BSG: variants seen among roughly 807,000 people sequenced by gnomAD.
BSG encodes the protein basigin.
Under a neutral mutation model 43.1 loss-of-function variants are expected in BSG, and 37 were observed. The observed-to-expected ratio is 0.86, with a 90% confidence interval of 0.66 to 1.13. The LOEUF (loss-of-function observed/expected upper bound fraction) is 1.13, where lower values mean the gene tolerates loss of function less well. Among genes scored for constraint, BSG ranks in the 50% most tolerant of loss-of-function variants. The pLI is 0.00. For synonymous variants in BSG, 309 were observed against 238.7 expected (o/e 1.29, Z -2.72); for missense variants, 599 against 554.2 (o/e 1.08, Z -0.81).
In BSG at chr19:582,866, A is replaced by G. The variant is rs972382845; in HGVS notation, c.*122A>G. The G allele has an allele frequency of 4.0e-6, 2 of 497,896 alleles. No individual in the cohort carries two copies. The highest frequency in any genetic ancestry group is 3.8e-5 in the Admixed American group (1 of 26,292). 30.8% of individuals were successfully genotyped at this position (497,896 alleles called of 1,614,324 possible). ...AAAACCCACCCCGTAGATTCCCATCATACACTTCCTTCTTTTTTAAAAAAG... is the reference window on the plus strand; with the variant it reads ...AAAACCCACCCCGTAGATTCCCATCGTACACTTCCTTCTTTTTTAAAAAAG... On this transcript the variant is annotated 3_prime_UTR_variant, in exon 9 of 9. Transcript: ENST00000333511.
chr19:574,945 C>G (rs1032526944), intron 1 of BSG: 17 of 152,278 alleles, frequency 1.1e-4, no homozygotes, highest in African/African-American at 3.9e-4. Flanking sequence ...GTTTCAAGCA[C>G]AGCACGAGGT....
rs201403607 is a variant in BSG, at chr19:578,106, G to A, written c.400G>A (p.Val134Met). The change falls in exon 2 of 9, where the codon GTG (valine) becomes ATG (methionine). Residue 134 changes from valine (V) to methionine (M), a missense_variant. Transcript: ENST00000333511. The part of the protein sequence containing the change: ...RVKWVRAQAV[V>M]LVLEPGTVFT... The stretch of plus-strand genomic sequence containing the variant: ...CAAGTGGGTCCGCGCCCAGGCAGTC[G>A]TGCTAGTCCTGGAACGTGAGTGGCG... 1.4e-4 allele frequency: 222 copies of A among 1,581,300 alleles called. No individual in the cohort carries two copies. The African/African-American group carries it at 2.4e-3, about 17-fold the overall frequency.
At chr19:576,739 ACT>A (rs1254217420) in intron 1 of BSG, among the ~76,000 whole-genome samples, 3 of 134,564 alleles carry the variant, frequency 2.2e-5, no homozygotes, top group South Asian at 2.8e-4. Context: ...ACAGAGTGAG[ACT>A]CTGTCTCAAA....
At chr19:576,693 A>G (rs1266228867) in intron 1 of BSG, among the ~76,000 whole-genome samples, 2 of 151,676 alleles carry the variant, frequency 1.3e-5, no homozygotes, top group Non-Finnish European at 2.9e-5. Flanking sequence ...CCCGGGAGGC[A>G]GAGGTTGCGG....
upstream of BSG, chr19:571,772 T>C (rs1981258754): frequency 1.6e-6 from 1 of 621,848 alleles, no homozygotes; most frequent in East Asian, 2.8e-5. Context: ...CTTCTGTTCC[T>C]CTGTCCTTTC....
intron 1 of BSG, among the ~76,000 whole-genome samples, chr19:573,213 T>A (rs1278181175): frequency 1.3e-5 from 2 of 152,140 alleles, no homozygotes; most frequent in African/African-American, 4.8e-5. Flanking sequence ...GGTTGGTGCC[T>A]GCCCAACCCG....
rs28921979 is a variant in BSG at position 576,760 on chromosome 19, A to G, written c.68-1014A>G. On this transcript the variant is annotated intron_variant, in intron 1 of 8. Coordinates refer to ENST00000333511, the MANE Select transcript of BSG (RefSeq NM_001728.4). ...TGAGACTCTGTCTCAAAAAAAAAAA[A>G]AAGAAGAAGAGGAGAAAGAAAATGG... Among the ~76,000 whole-genome samples, 5 of 146,144 alleles carry G rather than the reference A, an allele frequency of 3.4e-5. No homozygotes were observed. In the South Asian group the frequency reaches 7.0e-4, roughly 20 times the overall value.
intron 4 of BSG, 73 bp from the exon 5 acceptor site, chr19:580,573 A>T: frequency 6.2e-7 from 1 of 1,606,196 alleles, no homozygotes; most frequent in Non-Finnish European, 8.5e-7. Flanking sequence ...GGAGGGGAAC[A>T]GCCCTCCTGC....
At chr19:576,023 A>G (rs923173468) in intron 1 of BSG, among the ~76,000 whole-genome samples, 1 of 152,322 alleles carries the variant, frequency 6.6e-6, no homozygotes, top group Admixed American at 6.5e-5. Context: ...TGTTCCATCC[A>G]AAGCCTTTTG....
upstream of BSG, chr19:571,335 T>G: frequency 1.7e-6 from 1 of 597,206 alleles, no homozygotes; most frequent in South Asian, 2.0e-5. Context: ...TTCGGCTTAG[T>G]CTGCGGTCCT....
chr19:574,083 C>T (rs543884178), intron 1 of BSG, among the ~76,000 whole-genome samples: 1 of 151,100 alleles, frequency 6.6e-6, no homozygotes, highest in South Asian at 2.1e-4. Context: ...GGTGAAACCC[C>T]ATCTCTACTA....
At position 578,079 on chromosome 19, in the gene BSG, G is replaced by A. The variant is rs369414171; in HGVS notation, c.373G>A (p.Val125Ile). The stretch of plus-strand genomic sequence containing the variant: ...CAACCACCTGACCCGGGCGCCCAGG[G>A]TCAAGTGGGTCCGCGCCCAGGCAGT... ...DRNHLTRAPR[V>I]KWVRAQAVVL... The change falls in exon 2 of 9, where the codon GTC becomes ATC. Residue 125 changes from valine (V) to isoleucine (I), a missense_variant. Transcript: ENST00000333511. 8.7e-6 allele frequency: 14 copies of A among 1,604,090 alleles called. No individual in the cohort carries two copies. In the African/African-American group the frequency reaches 1.3e-4, roughly 15 times the overall value.
At chr19:579,113 C>T (rs1055582764) in intron 2 of BSG, 2 of 465,582 alleles carry the variant, frequency 4.3e-6, no homozygotes, top group East Asian at 6.7e-5. Context: ...TGCCCTGGTC[C>T]CTGCTCAGGG....
In BSG at chr19:582,581, A is replaced by C. The variant is rs1210064131; in HGVS notation, c.*4A>C. ...CCGCCAGAGGAACTCTTCCTGAGGC[A>C]GGTGCGGTGGGCGGGAGCTCCTCCT... is the stretch of plus-strand genomic sequence containing the variant. On this transcript the variant is annotated splice_region_variant and 3_prime_UTR_variant, in exon 8 of 9. Transcript: ENST00000333511. 1 of 1,012,000 alleles carries C rather than the reference A, an allele frequency of 9.9e-7. No individual in the cohort carries two copies. The allele number at this position is 1,012,000 out of a possible 1,614,324, so 62.7% of individuals were successfully genotyped here.
At chr19:571,579 G>A (rs751481576), upstream of BSG, 5 of 779,528 alleles carry the variant, frequency 6.4e-6, no homozygotes, top group South Asian at 5.4e-5. Context: ...CCCCAAGAAA[G>A]GTAACCGCCA....
rs1468764412 is a variant in BSG, at chr19:581,566, C to T, written c.1044C>T (p.Arg348=). 1.9e-6 allele frequency: 3 copies of T among 1,598,258 alleles called. No homozygotes were observed. Among genetic ancestry groups the T allele is most frequent in the Non-Finnish European group, 2.6e-6 (3 of 1,174,200 alleles). ...LVTIIFIYEK[R]RKPEDVLDDD... is the part of the protein sequence containing the mutation. ...CCATCATCTTCATCTACGAGAAGCG[C>T]CGGAAGCCCGAGGACGTCCTGGATG... Residue 348 remains arginine, a synonymous_variant, in exon 6 of 9, where the codon CGC becomes CGT. Coordinates refer to ENST00000333511, the MANE Select transcript of BSG (RefSeq NM_001728.4).
At chr19:580,351 G>A (rs201531347) in intron 3 of BSG, 28 bp from the exon 4 acceptor site, 16 of 1,605,050 alleles carry the variant, frequency 1.0e-5, no homozygotes, top group Admixed American at 5.0e-5. Flanking sequence ...GAGCTGGTAC[G>A]CGGCTCACCT....
At chr19:572,429 A>G (rs1981321423), upstream of BSG, 7 of 1,136,034 alleles carry the variant, frequency 6.2e-6, no homozygotes, top group South Asian at 2.2e-4. Context: ...CGGATTCCGT[A>G]GCGTGAGCCT....
chr19:581,443 G>T lies in BSG; in HGVS notation c.921G>T (p.Lys307Asn). The T allele has an allele frequency of 1.9e-6, 3 of 1,612,338 alleles. No individual in the cohort carries two copies. The highest frequency in any genetic ancestry group is 2.5e-6 in the Non-Finnish European group (3 of 1,179,756). Reference protein sequence around the residue: ...GQYRCNGTSSKGSDQAIITLR... With the variant: ...GQYRCNGTSSNGSDQAIITLR... Reference sequence around the variant, plus strand: ...ACCGGTGCAACGGCACCAGCTCCAAGGGCTCCGACCAGGCCATCATCACGC... The same window carrying T: ...ACCGGTGCAACGGCACCAGCTCCAATGGCTCCGACCAGGCCATCATCACGC... The change falls in exon 6 of 9, where the codon AAG becomes AAT. Residue 307 changes from lysine to asparagine, a missense_variant. Physicochemically the swap from Lys to Asn is moderately conservative, Grantham distance 94. Coordinates refer to ENST00000333511, the MANE Select transcript of BSG (RefSeq NM_001728.4).
Sources: allele counts gnomAD v4.1 joint callset (sites outside exome capture counted in the v4.1 genomes callset), GRCh38; gene constraint gnomAD v4.1.1; transcripts MANE v1.5; gene names NCBI Gene and HGNC (gene_info 2026-07-23, HGNC 2026-07-21).